Variants in PKHD1L1 observed in about 807,000 individuals in gnomAD.
PKHD1L1 encodes the protein fibrocystin-L.
PKHD1L1 carries 434 observed loss-of-function variants against 462.9 expected under a neutral mutation model. That is an observed-to-expected ratio of 0.94 (90% confidence interval 0.87 to 1.02). PKHD1L1 has a LOEUF of 1.02. Ranked by LOEUF, PKHD1L1 falls within the 50% of genes least tolerant of loss-of-function variation. PKHD1L1 has a pLI of 0.00. For synonymous variants in PKHD1L1, 1,781 were observed against 1,750.0 expected, an observed-to-expected ratio of 1.02 and a Z score of -0.44; for missense variants, 5,202 against 5,096.1, an observed-to-expected ratio of 1.02 and a Z score of -0.63.
At position 109,403,902 on chromosome 8, in the gene PKHD1L1, C is replaced by T. The variant is rs530147247; in HGVS notation, c.1374-652C>T. 1.2e-4 allele frequency among the ~76,000 whole-genome samples: 19 copies of T among 152,216 alleles called. No individual in the cohort carries two copies. In the South Asian group the frequency reaches 2.3e-3, roughly 18 times the overall value. ...TTAGAGGAGAAGTAGTAGTTTTGCACTCTCTTGTTAACAGCTGCTCAGTGA... is the reference window on the plus strand; with the variant it reads ...TTAGAGGAGAAGTAGTAGTTTTGCATTCTCTTGTTAACAGCTGCTCAGTGA... On this transcript the variant is annotated intron_variant, in intron 14 of 77. Transcript: ENST00000378402.
chr8:109,459,183 G>A (rs1396398124), intron 46 of PKHD1L1, among the ~76,000 whole-genome samples: 1 of 151,934 alleles, frequency 6.6e-6, no homozygotes, highest in Middle Eastern at 3.2e-3. Flanking sequence ...AACACCCCTG[G>A]TCTCTACCTA....
intron 16 of PKHD1L1, among the ~76,000 whole-genome samples, chr8:109,405,417 GA>G (rs1813483856): frequency 6.6e-6 from 1 of 152,052 alleles, no homozygotes; most frequent in Non-Finnish European, 1.5e-5. Flanking sequence ...TGTAAGTTAA[GA>G]AAATAGGAAT....
intron 37 of PKHD1L1, among the ~76,000 whole-genome samples, chr8:109,444,320 C>A (rs1815992930): frequency 6.6e-6 from 1 of 152,210 alleles, no homozygotes; most frequent in Non-Finnish European, 1.5e-5. Context: ...AAGGTTCACA[C>A]AAGTTGTACC....
At chr8:109,497,415 G>A in intron 65 of PKHD1L1, 143 bp downstream of exon 65, 1 of 898,888 alleles carries the variant, frequency 1.1e-6, no homozygotes, top group Non-Finnish European at 1.6e-6. Flanking sequence ...ACTGCCCTCT[G>A]CCTAAAAAAC....
Position 109,438,940 on chromosome 8 carries a change from A to T in PKHD1L1, c.3804A>T (p.Glu1268Asp), listed in dbSNP as rs977689915. The stretch of plus-strand genomic sequence containing the variant: ...TTAAGGGCTATAATTTTGGAAATGA[A>T]CTCACACAAAACATGGCGGTGTATG... ...LTIKGYNFGN[E>D]LTQNMAVYVG... Residue 1268 changes from glutamate to aspartate, a missense_variant, in exon 32 of 78, where the codon GAA becomes GAT. Around this residue, in one of 3 missense-constraint regions of PKHD1L1, gnomAD observed 4,497 missense variants for 4,336.8 expected, o/e 1.04. Transcript: ENST00000378402. 1 of 1,613,112 alleles carries T rather than the reference A, an allele frequency of 6.2e-7. No individual in the cohort carries two copies.
At chr8:109,399,899 T>C (rs1586431902) in intron 12 of PKHD1L1, among the ~76,000 whole-genome samples, 177 bp from the exon 13 acceptor site, 1 of 152,246 alleles carries the variant, frequency 6.6e-6, no homozygotes, top group East Asian at 1.9e-4. Flanking sequence ...AATGAACAAA[T>C]TACAGACTGC....
intron 50 of PKHD1L1, among the ~76,000 whole-genome samples, chr8:109,474,602 T>A (rs762221876): frequency 6.6e-5 from 10 of 152,212 alleles, no homozygotes; most frequent in Non-Finnish European, 8.8e-5. Context: ...TAATATGTGT[T>A]GTACAGATTT....
intron 11 of PKHD1L1, among the ~76,000 whole-genome samples, chr8:109,397,834 C>A (rs1375930511): frequency 1.3e-5 from 2 of 152,174 alleles, no homozygotes; most frequent in Admixed American, 6.6e-5. Flanking sequence ...TCAGTGAATA[C>A]TTTCTGAGGG....
Position 109,445,593 on chromosome 8 carries a change from T to C in PKHD1L1, c.5724T>C (p.Phe1908=). 1 of 1,610,876 alleles carries C rather than the reference T, an allele frequency of 6.2e-7. No homozygotes were observed. The highest frequency in any genetic ancestry group is 8.5e-7 in the Non-Finnish European group (1 of 1,178,096). ...VNTIAYPPLL[F]TYALEDTPFL... is the part of the protein sequence containing the mutation. Reference sequence around the variant, plus strand: ...CAATTGCTTATCCACCTTTGCTTTTTACATATGCCCTGGAGGATACTCCAT... The same window carrying C: ...CAATTGCTTATCCACCTTTGCTTTTCACATATGCCCTGGAGGATACTCCAT... The change falls in exon 38 of 78, where the codon TTT becomes TTC. Residue 1908 remains phenylalanine, a synonymous_variant. Coordinates refer to ENST00000378402, the MANE Select transcript of PKHD1L1 (RefSeq NM_177531.6).
intron 71 of PKHD1L1, among the ~76,000 whole-genome samples, chr8:109,512,231 T>G (rs1277774849): frequency 6.6e-6 from 1 of 152,140 alleles, no homozygotes; most frequent in Non-Finnish European, 1.5e-5. Context: ...TGGCTTTTGT[T>G]GCCATTGCTT....
intron 2 of PKHD1L1, among the ~76,000 whole-genome samples, chr8:109,376,508 TGCACCCACTGTCCG>T (rs954141269): frequency 2.4e-4 from 36 of 152,294 alleles, no homozygotes; most frequent in Admixed American, 1.4e-3. Context: ...CCCACTGTCC[TGCACCCACTGTCCG>T]GCACTCCCCA....
intron 14 of PKHD1L1, among the ~76,000 whole-genome samples, chr8:109,403,325 T>C (rs1813369128): frequency 6.6e-6 from 1 of 152,202 alleles, no homozygotes; most frequent in African/African-American, 2.4e-5. Flanking sequence ...ACCTAGTGCA[T>C]ATCTTTTTGG....
chr8:109,493,339 T>A (rs536204506), intron 62 of PKHD1L1, among the ~76,000 whole-genome samples: 23 of 151,464 alleles, frequency 1.5e-4, no homozygotes, highest in Non-Finnish European at 2.5e-4. Flanking sequence ...CTTCTTGTAA[T>A]ACTGGAATTT....
Position 109,464,982 on chromosome 8 carries a change from G to A in PKHD1L1, c.8150G>A (p.Gly2717Glu), listed in dbSNP as rs1408891971. 2.5e-6 allele frequency: 4 copies of A among 1,613,726 alleles called. No individual in the cohort carries two copies. Among genetic ancestry groups the A allele is most frequent in the Non-Finnish European group, 3.4e-6 (4 of 1,179,788 alleles). ...ATAGTCGGCCATCTTGATGAACTGG[G>A]AATGGGGTCTGCATTTTGCACAGCA... ...AKIVGHLDELGMGSAFCTAKG... is the reference protein window; with the variant it reads ...AKIVGHLDELEMGSAFCTAKG... Residue 2717 changes from glycine (G) to glutamate (E), a missense_variant, in exon 49 of 78, where the codon GGA becomes GAA. By Grantham distance (98) the Gly-to-Glu change is moderately conservative. Around this residue, in one of 3 missense-constraint regions of PKHD1L1, gnomAD observed 4,497 missense variants for 4,336.8 expected, o/e 1.04. Coordinates refer to ENST00000378402, the MANE Select transcript of PKHD1L1 (RefSeq NM_177531.6).
At chr8:109,506,043 C>A (rs957526634) in intron 68 of PKHD1L1, among the ~76,000 whole-genome samples, 6 of 152,066 alleles carry the variant, frequency 3.9e-5, no homozygotes, top group African/African-American at 9.7e-5. Context: ...TCAACAGAGC[C>A]CCTCTTCAGT....
rs956818562 is a variant in PKHD1L1 at position 109,442,869 on chromosome 8, T to C, written c.4394-77T>C. 8 of 1,371,194 alleles carry C rather than the reference T, an allele frequency of 5.8e-6. No homozygotes were observed. In the South Asian group the frequency reaches 9.9e-5, roughly 17 times the overall value. The allele number at this position is 1,371,194 out of a possible 1,614,324, so 84.9% of individuals were successfully genotyped here. On this transcript the variant is annotated intron_variant, in intron 35 of 77. Coordinates refer to ENST00000378402, the MANE Select transcript of PKHD1L1 (RefSeq NM_177531.6). Reference sequence around the variant, plus strand: ...TCTGTATGTGCATTTAAATGATCATTTCAAATTGTTTTCAGTCTCTTTTCA... The same window carrying C: ...TCTGTATGTGCATTTAAATGATCATCTCAAATTGTTTTCAGTCTCTTTTCA...
At chr8:109,382,084 A>G (rs547568100) in intron 3 of PKHD1L1, among the ~76,000 whole-genome samples, 1 of 152,308 alleles carries the variant, frequency 6.6e-6, no homozygotes, top group East Asian at 1.9e-4. Flanking sequence ...GGAAAAGCTT[A>G]CTAAGGGGAA....
At chr8:109,402,890 AAG>A (rs748091770) in intron 14 of PKHD1L1, among the ~76,000 whole-genome samples, 4 of 152,240 alleles carry the variant, frequency 2.6e-5, no homozygotes, top group Admixed American at 2.0e-4. Context: ...GACATGGGGA[AAG>A]AGTTTCATTC....
chr8:109,397,201 T>G (rs1333151018), intron 11 of PKHD1L1, among the ~76,000 whole-genome samples: 1 of 152,238 alleles, frequency 6.6e-6, no homozygotes, highest in Non-Finnish European at 1.5e-5. Flanking sequence ...TAGTTTTCTA[T>G]CATCTTTCAC....
Sources: allele counts gnomAD v4.1 joint callset (sites outside exome capture counted in the v4.1 genomes callset), GRCh38; gene constraint gnomAD v4.1.1; regional missense constraint gnomAD v4.1.1; transcripts MANE v1.5; gene names NCBI Gene and HGNC (gene_info 2026-07-23, HGNC 2026-07-21).